The following FYN variants were observed in gnomAD, a reference collection of about 807,000 sequenced individuals.
FYN encodes tyrosine-protein kinase Fyn.
In FYN, 10 loss-of-function variants were observed where a neutral mutation model predicts 70.2. The ratio of observed to expected loss-of-function variants is 0.14; its 90% confidence interval spans 0.09 to 0.24. The LOEUF is 0.24. FYN is among the 10% of genes least tolerant of loss of function. The pLI is 1.00. For synonymous variants in FYN, 236 were observed against 248.6 expected, an observed-to-expected ratio of 0.95 and a Z score of 0.48; for missense variants, 319 against 673.1, an observed-to-expected ratio of 0.47 and a Z score of 5.82.
At chr6:111,717,881 A>AT (rs1370197190) in intron 4 of FYN, among the ~76,000 whole-genome samples, 4 of 152,180 alleles carry the variant, frequency 2.6e-5, no homozygotes, top group African/African-American at 7.2e-5. Context: ...TTTCTGCCCC[A>AT]TCCCAAGTGG....
intron 3 of FYN, among the ~76,000 whole-genome samples, chr6:111,753,226 G>A (rs1410408101): frequency 3.3e-5 from 5 of 152,186 alleles, no homozygotes; most frequent in Admixed American, 3.3e-4. Context: ...GAATAGTCAT[G>A]CCACTTTCTA....
At chr6:111,795,508 C>T (rs557515074) in intron 2 of FYN, among the ~76,000 whole-genome samples, 3 of 152,162 alleles carry the variant, frequency 2.0e-5, no homozygotes, top group African/African-American at 7.2e-5. Context: ...ACAGGAATCA[C>T]ACAGAGCATT....
chr6:111,753,628 GC>G (rs1341051607), intron 3 of FYN, among the ~76,000 whole-genome samples: 1 of 151,134 alleles, frequency 6.6e-6, no homozygotes, highest in African/African-American at 2.4e-5. Context: ...AAATGTGAGG[GC>G]CTAAACCAAA....
intron 2 of FYN, among the ~76,000 whole-genome samples, chr6:111,814,600 A>T (rs1462386537): frequency 6.6e-6 from 1 of 152,168 alleles, no homozygotes; most frequent in East Asian, 1.9e-4. Context: ...TACTGTTAGA[A>T]TTAAGAAAAT....
chr6:111,708,274 A>G (rs902898040), intron 5 of FYN: 2 of 389,286 alleles, frequency 5.1e-6, no homozygotes, highest in Non-Finnish European at 9.6e-6. Flanking sequence ...CCTGGCCATG[A>G]GAAGTCTCTC....
intron 3 of FYN, among the ~76,000 whole-genome samples, chr6:111,774,381 T>G (rs1046672403): frequency 6.6e-6 from 1 of 152,118 alleles, no homozygotes; most frequent in Non-Finnish European, 1.5e-5. Context: ...TCTACTGCAT[T>G]CTAGTACAAC....
chr6:111,765,100 T>A (rs755106086), intron 3 of FYN, among the ~76,000 whole-genome samples: 1 of 152,052 alleles, frequency 6.6e-6, no homozygotes, highest in African/African-American at 2.4e-5. Context: ...GTTTCCTGAA[T>A]GAGGCCAGGA....
rs367543111 is a variant in FYN, at chr6:111,714,358, T to C, written c.333A>G (p.Ile111Met). ...LSFHKGEKFQ[I>M]LNSSEGDWWE... ...CTCTCCAAACTTACGAGCTGTTCAA[T>C]ATTTGAAATTTTTCTCCTTTGTGAA... is the stretch of plus-strand genomic sequence containing the variant. The change falls in exon 5 of 14, where the codon ATA becomes ATG. Residue 111 changes from isoleucine (I) to methionine (M), a missense_variant. Coordinates refer to ENST00000354650, the MANE Select transcript of FYN (RefSeq NM_002037.5). 6.2e-7 allele frequency: 1 copy of C among 1,612,428 alleles called. No homozygotes were observed. The highest frequency in any genetic ancestry group is 8.5e-7 in the Non-Finnish European group (1 of 1,178,612).
chr6:111,701,633 A>C (rs1799842252), intron 8 of FYN, among the ~76,000 whole-genome samples: 1 of 152,142 alleles, frequency 6.6e-6, no homozygotes. Flanking sequence ...AATGTTATTA[A>C]GGTGCCCTTT....
intron 1 of FYN, among the ~76,000 whole-genome samples, chr6:111,859,185 G>A (rs984415070): frequency 5.3e-5 from 8 of 152,072 alleles, no homozygotes; most frequent in Admixed American, 1.3e-4. Flanking sequence ...CCAAGCTCAC[G>A]CCCCTTCCAG....
Position 111,731,066 on chromosome 6 carries a change from T to C in FYN, c.-11-11004A>G, listed in dbSNP as rs555133755. Among the ~76,000 whole-genome samples, 11 of 152,278 alleles carry C rather than the reference T, an allele frequency of 7.2e-5. No homozygotes were observed. In the East Asian group the frequency reaches 2.1e-3, roughly 29 times the overall value. ...CATTAGCACAAAGCGGCTGTTTGAA[T>C]AGGCGTCATCAATGCCCCCTCCCCA... On this transcript the variant is annotated intron_variant, in intron 3 of 13. Transcript: ENST00000354650.
rs765507873 is a variant in FYN at position 111,694,444 on chromosome 6, G to A, written c.1204C>T (p.Leu402Phe). 6.2e-7 allele frequency: 1 copy of A among 1,614,202 alleles called. No homozygotes were observed. The highest frequency in any genetic ancestry group is 8.5e-7 in the Non-Finnish European group (1 of 1,180,032). The change falls in exon 12 of 14, where the codon CTC (leucine) becomes TTC (phenylalanine). Residue 402 changes from leucine (L) to phenylalanine (F), a missense_variant. This residue lies in a region of FYN where 64 missense variants were observed against 223.0 expected (regional missense o/e 0.29). Transcript: ENST00000354650. This position sits in a 1 kb window ranked among gnomAD's most constrained non-coding sequence, Gnocchi z 5.0. ...CCGAAGTCAGCAATCTTGCATATGA[G>A]TCCATTCCCCACTAGAATGTTTGCT... Reference protein sequence around the residue: ...RSANILVGNGLICKIADFGLA... With the variant: ...RSANILVGNGFICKIADFGLA...
At chr6:111,742,047 C>T (rs1364991895) in intron 3 of FYN, among the ~76,000 whole-genome samples, 1 of 152,090 alleles carries the variant, frequency 6.6e-6, no homozygotes, top group East Asian at 1.9e-4. Flanking sequence ...GCTTTCACAC[C>T]CCCTTCCAGA....
intron 1 of FYN, among the ~76,000 whole-genome samples, chr6:111,852,785 G>A (rs957386230): frequency 6.6e-6 from 1 of 152,074 alleles, no homozygotes; most frequent in Non-Finnish European, 1.5e-5. Context: ...ATTTTACACT[G>A]TGCCATTTCT....
At position 111,695,824 on chromosome 6, in the gene FYN, C is replaced by T. The variant is rs182945177; in HGVS notation, c.1042+453G>A. On this transcript the variant is annotated intron_variant, in intron 10 of 13. Transcript: ENST00000354650. ...GAAAGCATGTAATTTCATCGCCTGA[C>T]GTTTAAGAAGAGAGCTGGAAATAAA... is the stretch of plus-strand genomic sequence containing the variant. Among the ~76,000 whole-genome samples the T allele has an allele frequency of 9.2e-5, 14 of 152,074 alleles. No individual in the cohort carries two copies. The East Asian group carries it at 1.5e-3, about 17-fold the overall frequency.
chr6:111,859,165 C>T (rs1028525165), intron 1 of FYN, among the ~76,000 whole-genome samples: 4 of 152,162 alleles, frequency 2.6e-5, no homozygotes, highest in Admixed American at 2.0e-4. Context: ...CCTTACCTAT[C>T]ACCTCCAATC....
At chr6:111,698,245 T>C (rs1388077918) in intron 9 of FYN, among the ~76,000 whole-genome samples, 2 of 152,192 alleles carry the variant, frequency 1.3e-5, no homozygotes, top group Non-Finnish European at 2.9e-5. Flanking sequence ...GTGATTCTCC[T>C]GCCTCAGCCT....
chr6:111,662,795 C>T (rs1043961199), intron 13 of FYN, among the ~76,000 whole-genome samples: 2 of 152,136 alleles, frequency 1.3e-5, no homozygotes, highest in African/African-American at 4.8e-5. Context: ...ACTGTCTGGC[C>T]CTGCAACCCC....
At chr6:111,700,379 GCTA>G (rs1162223104) in intron 8 of FYN, 111 bp from the exon 9 acceptor site, 12 of 1,073,564 alleles carry the variant, frequency 1.1e-5, no homozygotes, top group South Asian at 6.0e-5. Context: ...CTCAAACAGT[GCTA>G]CTACACCAGC....
Sources: gnomAD v4.1 joint callset for allele counts (sites outside exome capture counted in the v4.1 genomes callset) on GRCh38, gnomAD v4.1.1 for gene constraint, gnomAD v4.1.1 regional missense constraint, Gnocchi (gnomAD v3.1) non-coding constraint, MANE v1.5 for transcripts, NCBI Gene and HGNC (gene_info 2026-07-23, HGNC 2026-07-21) for gene names.